Variants in NECAB2 observed in about 807,000 individuals in gnomAD.
NECAB2 encodes the protein N-terminal EF-hand calcium-binding protein 2.
Under a neutral mutation model 51.9 loss-of-function variants are expected in NECAB2, and 68 were observed. The observed-to-expected ratio is 1.31, with a 90% CI of 1.08 to 1.60. NECAB2 has a LOEUF of 1.60. Ranked by LOEUF, NECAB2 falls within the 40% of genes most tolerant of loss-of-function variation. The probability of loss-of-function intolerance (pLI) is 0.00; values close to 1 mark genes in which losing one functional copy is unlikely to be tolerated. For synonymous variants in NECAB2, 329 were observed against 203.5 expected (o/e 1.62, Z -5.25); for missense variants, 854 against 490.3 (o/e 1.74, Z -7.00).
rs138383287 is a variant in NECAB2, at chr16:84,002,338, C to A, written c.1153C>A (p.Arg385=). The change falls in exon 13 of 13, where the codon CGG becomes AGG. Residue 385 remains arginine, a synonymous_variant. Transcript: ENST00000305202. ...LVPAAWCTVG[R]D is the part of the protein sequence containing the mutation. ...TTTAGCTGCTTGGTGCACGGTGGGACGGGACTGACAGCCTCCCAGAGGCCC... is the reference window on the plus strand; with the variant it reads ...TTTAGCTGCTTGGTGCACGGTGGGAAGGGACTGACAGCCTCCCAGAGGCCC... 9 of 1,613,842 alleles carry A rather than the reference C, an allele frequency of 5.6e-6. No homozygotes were observed. In the African/African-American group the frequency reaches 8.0e-5, roughly 14 times the overall value.
intron 2 of NECAB2, among the ~76,000 whole-genome samples, chr16:83,975,020 GAGC>G (rs1251145112): frequency 1.1e-4 from 15 of 142,680 alleles, no homozygotes; most frequent in African/African-American, 4.0e-4. Flanking sequence ...GCAGGGATGA[GAGC>G]AGGTGTGCAG....
At chr16:83,979,142 C>A (rs137907103) in intron 3 of NECAB2, among the ~76,000 whole-genome samples, 363 of 152,300 alleles carry the variant, frequency 2.4e-3, no homozygotes, top group African/African-American at 8.3e-3. Flanking sequence ...TACCCTTGAC[C>A]CTTCCCAGCC....
rs910137124 is a variant in NECAB2, at chr16:83,968,700, C to T, written c.52C>T (p.Arg18Trp). 13 of 998,776 alleles carry T rather than the reference C, an allele frequency of 1.3e-5. No homozygotes were observed. Among genetic ancestry groups the T allele is most frequent in the African/African-American group, 1.8e-5 (1 of 56,260 alleles). 61.9% of individuals were successfully genotyped at this position (998,776 alleles called of 1,614,324 possible). A position where few individuals can be genotyped will look rare whatever the true frequency, so the allele number is the denominator to read the frequency against. The stretch of plus-strand genomic sequence containing the variant: ...CAGGGCCGGCGCGCACAGGCTGCTC[C>T]GGGAGCCGCCGCAGCAGGGCCGGGC... ...LCRAGAHRLLREPPQQGRALG... is the reference protein window; with the variant it reads ...LCRAGAHRLLWEPPQQGRALG... Residue 18 changes from arginine to tryptophan, a missense_variant, in exon 1 of 13, where the codon CGG becomes TGG. Coordinates refer to ENST00000305202, the MANE Select transcript of NECAB2 (RefSeq NM_019065.3).
In NECAB2 at chr16:83,999,693, C is replaced by T. The variant is rs77902122; in HGVS notation, c.963-1031C>T. Among the ~76,000 whole-genome samples, 324 of 152,080 alleles carry T rather than the reference C, an allele frequency of 2.1e-3. 2 individuals are homozygous for T. The highest frequency in any genetic ancestry group is 7.2e-3 in the African/African-American group (300 of 41,428). On this transcript the variant is annotated intron_variant, in intron 10 of 12. Coordinates refer to ENST00000305202, the MANE Select transcript of NECAB2 (RefSeq NM_019065.3). The stretch of plus-strand genomic sequence containing the variant: ...CAGCACCTTTAAAATGACGTGAGTG[C>T]GGGCCCCTGGGTCCCATAGAGCAAT...
chr16:83,982,079 G>C (rs964561400), intron 5 of NECAB2, among the ~76,000 whole-genome samples: 2 of 152,164 alleles, frequency 1.3e-5, no homozygotes, highest in Non-Finnish European at 2.9e-5. Context: ...GCCAAGTAAG[G>C]CCTCTGAGCT....
At chr16:83,968,936 G>A in intron 1 of NECAB2, 87 bp downstream of exon 1, 3 of 861,170 alleles carry the variant, frequency 3.5e-6, no homozygotes, top group Non-Finnish European at 4.3e-6. Flanking sequence ...CCGACGCCGC[G>A]ACCCGCGAGG....
intron 2 of NECAB2, among the ~76,000 whole-genome samples, chr16:83,974,984 G>A (rs941955167): frequency 7.0e-6 from 1 of 143,740 alleles, no homozygotes; most frequent in African/African-American, 2.7e-5. Context: ...GCAGGGAGGT[G>A]TGGGTGCGGG....
At chr16:83,997,487 T>TTTC (rs1262116534) in intron 9 of NECAB2, among the ~76,000 whole-genome samples, 12 of 133,796 alleles carry the variant, frequency 9.0e-5, no homozygotes, top group African/African-American at 3.2e-4. Context: ...ACCTTTTTTT[T>TTTC]TTTTTTTTTT....
In NECAB2 at chr16:84,001,816, GCGTCA is replaced by G. The variant is rs2084842377; in HGVS notation, c.1041-7_1041-3del. ...CCACCCCTGACTCACACATGTCCCT[GCGTCA>G]CAGGCACCTGCAGAGCCCCCTGTGT... is the stretch of plus-strand genomic sequence containing the variant. On this transcript the variant is annotated splice_region_variant and splice_polypyrimidine_tract_variant and intron_variant, in intron 11 of 12. Coordinates refer to ENST00000305202, the MANE Select transcript of NECAB2 (RefSeq NM_019065.3). The G allele has an allele frequency of 6.2e-7, 1 of 1,613,786 alleles. No homozygotes were observed. The highest frequency in any genetic ancestry group is 1.3e-5 in the African/African-American group (1 of 74,902).
In NECAB2 at chr16:83,968,702, G is replaced by A. The variant is rs941584848; in HGVS notation, c.54G>A (p.Arg18=). The A allele has an allele frequency of 9.0e-6, 9 of 1,002,720 alleles. No homozygotes were observed. The highest frequency in any genetic ancestry group is 1.2e-4 in the Admixed American group (2 of 16,556). The allele number at this position is 1,002,720 out of a possible 1,614,324, so 62.1% of individuals were successfully genotyped here. Residue 18 remains arginine (R), a synonymous_variant, in exon 1 of 13, where the codon CGG becomes CGA. Coordinates refer to ENST00000305202, the MANE Select transcript of NECAB2 (RefSeq NM_019065.3). ...GGGCCGGCGCGCACAGGCTGCTCCG[G>A]GAGCCGCCGCAGCAGGGCCGGGCGC... ...LCRAGAHRLL[R]EPPQQGRALG... is the part of the protein sequence containing the mutation.
At chr16:83,994,512 G>A in intron 7 of NECAB2, 92 bp downstream of exon 7, 3 of 1,596,970 alleles carry the variant, frequency 1.9e-6, no homozygotes, top group East Asian at 2.2e-5. Flanking sequence ...AGATGAGCAA[G>A]TTTGATGCCC....
In NECAB2 at chr16:83,981,082, G is replaced by A. The variant is rs200590364; in HGVS notation, c.414G>A (p.Glu138=). The change falls in exon 5 of 13, where the codon GAG becomes GAA. Residue 138 remains glutamate, a synonymous_variant. Coordinates refer to ENST00000305202, the MANE Select transcript of NECAB2 (RefSeq NM_019065.3). The part of the protein sequence containing the change: ...GDYEDVLASL[E]TLNHSVLKAM... ...ATGAGGATGTCCTGGCCTCCCTGGA[G>A]ACCTTGAATCACTCTGTCCTGAAGG... The A allele has an allele frequency of 6.2e-6, 10 of 1,614,202 alleles. No individual in the cohort carries two copies. The East Asian group carries it at 1.1e-4, about 18-fold the overall frequency.
intron 1 of NECAB2, 58 bp from the exon 2 acceptor site, chr16:83,972,093 T>C (rs200712778): frequency 1.2e-6 from 2 of 1,607,628 alleles, no homozygotes; most frequent in Non-Finnish European, 8.5e-7. Flanking sequence ...GGTCAGAGGC[T>C]GCAGGAAGCG....
At position 83,991,773 on chromosome 16, in the gene NECAB2, AGGAGCT is replaced by A. The variant is rs534779049; in HGVS notation, c.596+1146_596+1151del. Among the ~76,000 whole-genome samples, 59 of 150,562 alleles carry A rather than the reference AGGAGCT, an allele frequency of 3.9e-4. 1 individual carries two copies. The South Asian group carries it at 0.012, about 30-fold the overall frequency. On this transcript the variant is annotated intron_variant, in intron 6 of 12. Transcript: ENST00000305202. ...GCAATTCTCCCACCTCAGCCTCCCA[AGGAGCT>A]GGGACTACAGGCATGTAGTCCCACC... is the stretch of plus-strand genomic sequence containing the variant.
intron 10 of NECAB2, among the ~76,000 whole-genome samples, chr16:83,999,597 G>C (rs73248857): frequency 0.061 from 9,243 of 151,986 alleles, 893 homozygotes; most frequent in African/African-American, 0.21. Flanking sequence ...TTTGGCCCCC[G>C]CTTTATGGTC....
rs369571084 is a variant in NECAB2 at position 83,978,549 on chromosome 16, C to A, written c.332C>A (p.Thr111Asn). ...DLFHTIDSDN[T>N]NHVDTKELCD... ...TTTCACACGATTGACTCTGACAACA[C>A]CAAGTGAGCTTCAGTCCTGGCTGGC... The change falls in exon 3 of 13, where the codon ACC becomes AAC. Residue 111 changes from threonine to asparagine, a missense_variant. By Grantham distance (65) the Thr-to-Asn change is moderately conservative. Coordinates refer to ENST00000305202, the MANE Select transcript of NECAB2 (RefSeq NM_019065.3). 4.3e-6 allele frequency: 7 copies of A among 1,611,678 alleles called. No homozygotes were observed. In the African/African-American group the frequency reaches 6.7e-5, roughly 15 times the overall value.
At chr16:83,996,744 C>T (rs533561664) in intron 8 of NECAB2, among the ~76,000 whole-genome samples, 2 of 152,276 alleles carry the variant, frequency 1.3e-5, no homozygotes, top group East Asian at 1.9e-4. Flanking sequence ...GCGAACAGAG[C>T]AGATGTGGTT....
At chr16:83,985,978 C>T (rs1702385153) in intron 5 of NECAB2, among the ~76,000 whole-genome samples, 1 of 152,170 alleles carries the variant, frequency 6.6e-6, no homozygotes, top group African/African-American at 2.4e-5. Flanking sequence ...TATGTCTCTT[C>T]TGCAGGTATT....
upstream of NECAB2, chr16:83,965,639 G>A (rs1374164243): frequency 4.3e-6 from 7 of 1,613,342 alleles, no homozygotes; most frequent in South Asian, 2.2e-5. Context: ...CAGCCCCTAT[G>A]AGGGTTACCG....
Sources: allele counts gnomAD v4.1 joint callset (sites outside exome capture counted in the v4.1 genomes callset), GRCh38; gene constraint gnomAD v4.1.1; transcripts MANE v1.5; gene names NCBI Gene and HGNC (gene_info 2026-07-23, HGNC 2026-07-21).